Variants in ATP10B observed in about 807,000 individuals in gnomAD.
The protein encoded by ATP10B is phospholipid-transporting ATPase VB.
Under a neutral mutation model 141.2 loss-of-function variants are expected in ATP10B, and 122 were observed. The observed-to-expected ratio is 0.86, with a 90% CI of 0.75 to 1.00. ATP10B has a LOEUF of 1.00. ATP10B is among the 50% of genes least tolerant of loss of function. ATP10B has a pLI of 0.00. For missense variants in ATP10B, 1,876 were observed against 1,825.3 expected, an observed-to-expected ratio of 1.03 and a Z score of -0.51; for synonymous variants, 685 against 692.0, an observed-to-expected ratio of 0.99 and a Z score of 0.16.
At chr5:160,878,004 A>T in the ATP10B span, among the ~76,000 whole-genome samples, 1 of 152,146 alleles carries the variant, frequency 6.6e-6, no homozygotes, top group East Asian at 1.9e-4. Context: ...GCTACCAATG[A>T]TTTTCTTCAC....
chr5:160,861,510 G>A, the ATP10B span, among the ~76,000 whole-genome samples: 1 of 151,814 alleles, frequency 6.6e-6, no homozygotes, highest in Non-Finnish European at 1.5e-5. Flanking sequence ...TCACAAAAGG[G>A]GGTCACAAAA....
intron 1 of ATP10B, among the ~76,000 whole-genome samples, chr5:160,812,020 C>CAGAGAGAGAGAGAGAGAGAGAG (rs34793101): frequency 1.8e-5 from 2 of 111,418 alleles, no homozygotes; most frequent in Non-Finnish European, 4.0e-5. Flanking sequence ...GAGACAGAGA[C>CAGAGAGAGAGAGAGAGAGAGAG]AGAGAGAGAG....
upstream of ATP10B, among the ~76,000 whole-genome samples, chr5:160,855,337 A>G (rs984592833): frequency 5.3e-5 from 8 of 152,020 alleles, no homozygotes; most frequent in African/African-American, 1.9e-4. Flanking sequence ...GTGTATAGCA[A>G]TATCTCATTT....
At chr5:160,868,408 A>C in the ATP10B span, among the ~76,000 whole-genome samples, 2 of 152,068 alleles carry the variant, frequency 1.3e-5, no homozygotes, top group African/African-American at 4.8e-5. Flanking sequence ...TGCCACATAC[A>C]TTGAACATTT....
intron 7 of ATP10B, among the ~76,000 whole-genome samples, chr5:160,651,689 T>C (rs905394637): frequency 1.3e-5 from 2 of 152,136 alleles, no homozygotes; most frequent in East Asian, 3.9e-4. Context: ...AAAGAAATGA[T>C]AGCATTTTCT....
At chr5:160,580,564 A>G (rs1212541460) in intron 24 of ATP10B, among the ~76,000 whole-genome samples, 1 of 152,214 alleles carries the variant, frequency 6.6e-6, no homozygotes, top group Non-Finnish European at 1.5e-5. Context: ...TTGGTTTGCC[A>G]GTATTTTATT....
At chr5:160,887,811 C>A in the ATP10B span, among the ~76,000 whole-genome samples, 1 of 152,182 alleles carries the variant, frequency 6.6e-6, no homozygotes, top group Admixed American at 6.5e-5. Context: ...AACTTCCGGA[C>A]ACCCTATGTA....
intron 1 of ATP10B, among the ~76,000 whole-genome samples, chr5:160,816,217 T>TCTTAGTTA (rs1773610758): frequency 7.7e-6 from 1 of 129,980 alleles, no homozygotes; most frequent in Non-Finnish European, 1.8e-5. Context: ...CAGGAGCTGA[T>TCTTAGTTA]TTTTTGAAAA....
chr5:160,860,423 C>G, the ATP10B span, among the ~76,000 whole-genome samples: 1 of 151,794 alleles, frequency 6.6e-6, no homozygotes, highest in Non-Finnish European at 1.5e-5. Context: ...GTCTTGTCTA[C>G]CTTTCCCCAA....
chr5:160,783,830 T>C (rs574374801), intron 2 of ATP10B, among the ~76,000 whole-genome samples: 2 of 152,196 alleles, frequency 1.3e-5, no homozygotes, highest in East Asian at 1.9e-4. Context: ...ATAGTGGTTG[T>C]ACTAGTTTAC....
At chr5:160,928,446 G>A in the ATP10B span, among the ~76,000 whole-genome samples, 3 of 152,096 alleles carry the variant, frequency 2.0e-5, no homozygotes, top group East Asian at 5.8e-4. Context: ...TTCCTCACCA[G>A]CCCTGTACAC....
At chr5:160,700,704 TTAA>T (rs1205419015) in intron 3 of ATP10B, among the ~76,000 whole-genome samples, 2 of 152,170 alleles carry the variant, frequency 1.3e-5, no homozygotes, top group African/African-American at 4.8e-5. Context: ...TTTTATTAGA[TTAA>T]TAATAACAGA....
intron 1 of ATP10B, among the ~76,000 whole-genome samples, chr5:160,840,687 A>G (rs944186039): frequency 6.6e-6 from 1 of 152,164 alleles, no homozygotes; most frequent in African/African-American, 2.4e-5. Context: ...TAAAAGATTG[A>G]TAAACTGACT....
At chr5:160,829,555 G>A (rs1218104566) in intron 1 of ATP10B, among the ~76,000 whole-genome samples, 1 of 152,102 alleles carries the variant, frequency 6.6e-6, no homozygotes, top group Non-Finnish European at 1.5e-5. Context: ...CAATAGGGAA[G>A]TATGGCCATA....
At chr5:160,651,062 T>A (rs898633393) in intron 7 of ATP10B, among the ~76,000 whole-genome samples, 2 of 152,238 alleles carry the variant, frequency 1.3e-5, no homozygotes, top group Non-Finnish European at 2.9e-5. Flanking sequence ...GGACACTTAT[T>A]TCTGCCAGAC....
At chr5:160,785,178 C>T (rs753864422) in intron 2 of ATP10B, among the ~76,000 whole-genome samples, 4 of 152,150 alleles carry the variant, frequency 2.6e-5, no homozygotes, top group Non-Finnish European at 4.4e-5. Context: ...CTATGGACCT[C>T]TCTTACCTTG....
At chr5:160,926,908 T>C in the ATP10B span, among the ~76,000 whole-genome samples, 3 of 152,240 alleles carry the variant, frequency 2.0e-5, no homozygotes, top group South Asian at 6.2e-4. Context: ...TGCTCCCCAT[T>C]GCTTGTGGAG....
At chr5:160,575,840 G>A (rs1014090580) in intron 24 of ATP10B, among the ~76,000 whole-genome samples, 2 of 152,152 alleles carry the variant, frequency 1.3e-5, no homozygotes, top group Non-Finnish European at 2.9e-5. Flanking sequence ...GCTATAATAA[G>A]CCTAGAGGTA....
intron 6 of ATP10B, among the ~76,000 whole-genome samples, chr5:160,681,697 A>T (rs1227278825): frequency 6.6e-6 from 1 of 152,262 alleles, no homozygotes; most frequent in African/African-American, 2.4e-5. Flanking sequence ...ATTTTGAAGC[A>T]AAGTTTGCAA....
Sources: gnomAD v4.1 joint callset for allele counts (sites outside exome capture counted in the v4.1 genomes callset) on GRCh38, gnomAD v4.1.1 for gene constraint, MANE v1.5 for transcripts, NCBI Gene and HGNC (gene_info 2026-07-23, HGNC 2026-07-21) for gene names.